TTC28: variants seen among roughly 807,000 people sequenced by gnomAD.
TTC28 encodes tetratricopeptide repeat domain 28.
TTC28 carries 61 observed loss-of-function variants against 198.0 expected under a neutral mutation model. The observed-to-expected ratio is 0.31, with a 90% confidence interval of 0.25 to 0.38. The LOEUF (loss-of-function observed/expected upper bound fraction) is 0.38. TTC28 is among the 10% of genes least tolerant of loss of function. The pLI is 1.00. For synonymous variants in TTC28, 1,171 were observed against 1,297.8 expected (o/e 0.90, Z 2.10); for missense variants, 2,678 against 3,164.0 (o/e 0.85, Z 3.69).
intron 2 of TTC28, among the ~76,000 whole-genome samples, chr22:28,438,408 G>C (rs1444327943): frequency 6.6e-6 from 1 of 152,138 alleles, no homozygotes; most frequent in African/African-American, 2.4e-5. Flanking sequence ...CTTTTAAATG[G>C]AACTCCATCA....
At chr22:28,606,082 A>C (rs930455374) in intron 2 of TTC28, among the ~76,000 whole-genome samples, 14 of 150,126 alleles carry the variant, frequency 9.3e-5, no homozygotes, top group Middle Eastern at 3.2e-3. Context: ...AATTGTGAAT[A>C]CTTTTTTTTT....
chr22:27,978,663 G>A lies in TTC28; in HGVS notation c.*3558C>T, dbSNP rs1483805524. On this transcript the variant is annotated 3_prime_UTR_variant, in exon 23 of 23. Coordinates refer to ENST00000397906, the MANE Select transcript of TTC28 (RefSeq NM_001145418.2). The stretch of plus-strand genomic sequence containing the variant: ...GTGAATTTTTAAAAAATGGAATGGA[G>A]GTGAAAACTTTCATTTTGTGTTGCA... 3 of 152,170 alleles carry A rather than the reference G, an allele frequency of 2.0e-5. No homozygotes were observed. Among genetic ancestry groups the A allele is most frequent in the Non-Finnish European group, 2.9e-5 (2 of 68,038 alleles). 9.4% of individuals were successfully genotyped at this position (152,170 alleles called of 1,614,324 possible). A position where few individuals can be genotyped will look rare whatever the true frequency, so the allele number is the denominator to read the frequency against.
intron 5 of TTC28, among the ~76,000 whole-genome samples, chr22:28,220,599 T>A (rs556876195): frequency 6.6e-6 from 1 of 152,188 alleles, no homozygotes; most frequent in Non-Finnish European, 1.5e-5. Flanking sequence ...TTCCCCAATA[T>A]AGCTACTTGC....
At chr22:27,993,255 C>A (rs116821072) in intron 18 of TTC28, 32 bp downstream of exon 18, 1 of 1,466,610 alleles carries the variant, frequency 6.8e-7, no homozygotes, top group South Asian at 1.4e-5. Context: ...GTCAGCCAGG[C>A]CTGTTGCCCC....
At chr22:28,388,249 CT>C (rs1237830171) in intron 2 of TTC28, among the ~76,000 whole-genome samples, 1 of 152,148 alleles carries the variant, frequency 6.6e-6, no homozygotes, top group African/African-American at 2.4e-5. Context: ...TTACTGTAGC[CT>C]TGTAGTATAG....
chr22:28,256,426 A>C (rs1403903882), intron 5 of TTC28, among the ~76,000 whole-genome samples: 4 of 151,814 alleles, frequency 2.6e-5, no homozygotes, highest in Non-Finnish European at 5.9e-5. Flanking sequence ...CGTCTCAAAA[A>C]AAAAAAAAAA....
intron 13 of TTC28, 82 bp downstream of exon 13, chr22:28,030,144 A>C: frequency 6.7e-7 from 1 of 1,500,426 alleles, no homozygotes; most frequent in South Asian, 1.3e-5. Context: ...ACCAGCTGGA[A>C]GGAGCATCCA....
At chr22:28,208,607 T>C (rs144824311) in intron 5 of TTC28, among the ~76,000 whole-genome samples, 4 of 152,324 alleles carry the variant, frequency 2.6e-5, no homozygotes, top group South Asian at 2.1e-4. Flanking sequence ...GTCATAGCAA[T>C]AGTCCTCACT....
chr22:28,274,260 T>G (rs1386337115), intron 5 of TTC28, among the ~76,000 whole-genome samples: 1 of 152,206 alleles, frequency 6.6e-6, no homozygotes, highest in Non-Finnish European at 1.5e-5. Flanking sequence ...CATTTAAAAA[T>G]TATTTGTGTA....
intron 2 of TTC28, among the ~76,000 whole-genome samples, chr22:28,622,577 G>C (rs1162135402): frequency 2.0e-5 from 3 of 151,836 alleles, no homozygotes; most frequent in African/African-American, 7.3e-5. Flanking sequence ...AATTAAAAAG[G>C]AATAATACAA....
chr22:28,443,734 T>C (rs1368489081), intron 2 of TTC28, among the ~76,000 whole-genome samples: 1 of 152,132 alleles, frequency 6.6e-6, no homozygotes, highest in Non-Finnish European at 1.5e-5. Context: ...TGGGTCTTAG[T>C]GCCACGACAT....
chr22:28,436,126 G>C (rs185206735), intron 2 of TTC28, among the ~76,000 whole-genome samples: 2 of 152,086 alleles, frequency 1.3e-5, no homozygotes, highest in Non-Finnish European at 2.9e-5. Context: ...AGTCACCCTC[G>C]TTACTAATGA....
At chr22:27,994,456 T>G (rs923006671) in intron 17 of TTC28, 2 of 151,822 alleles carry the variant, frequency 1.3e-5, no homozygotes, top group Admixed American at 6.6e-5. Flanking sequence ...TGAGGTTTTT[T>G]TTTTTTTTTT....
At chr22:28,262,839 T>C (rs57346658) in intron 5 of TTC28, among the ~76,000 whole-genome samples, 18 of 152,098 alleles carry the variant, frequency 1.2e-4, no homozygotes, top group African/African-American at 4.3e-4. Context: ...GTTCCTACGA[T>C]GAGAATGACT....
chr22:28,092,151 C>T (rs149816685), intron 12 of TTC28, among the ~76,000 whole-genome samples: 72 of 152,298 alleles, frequency 4.7e-4, no homozygotes, highest in African/African-American at 1.6e-3. Context: ...AGAGAATGTA[C>T]ATAATACCTG....
At chr22:28,144,716 A>G (rs1228215595) in intron 6 of TTC28, among the ~76,000 whole-genome samples, 1 of 152,240 alleles carries the variant, frequency 6.6e-6, no homozygotes, top group African/African-American at 2.4e-5. Flanking sequence ...GCTGAGAGCT[A>G]AGCACTAGGA....
chr22:28,497,877 T>C (rs1434485027), intron 2 of TTC28, among the ~76,000 whole-genome samples: 1 of 152,180 alleles, frequency 6.6e-6, no homozygotes, highest in Non-Finnish European at 1.5e-5. Flanking sequence ...TCAAGTTGAA[T>C]ATTTTATTTT....
chr22:28,428,318 T>C (rs191184845), intron 2 of TTC28, among the ~76,000 whole-genome samples: 1 of 152,134 alleles, frequency 6.6e-6, no homozygotes, highest in African/African-American at 2.4e-5. Flanking sequence ...TTGAAATCAC[T>C]CTAGTAAAAA....
intron 5 of TTC28, among the ~76,000 whole-genome samples, chr22:28,251,424 G>A (rs564963184): frequency 5.3e-4 from 81 of 152,288 alleles, no homozygotes; most frequent in African/African-American, 1.9e-3. Context: ...CACTGGGCCT[G>A]AAAAACCTAA....
Sources: gnomAD v4.1 joint callset for allele counts (sites outside exome capture counted in the v4.1 genomes callset) on GRCh38, gnomAD v4.1.1 for gene constraint, MANE v1.5 for transcripts, NCBI Gene and HGNC (gene_info 2026-07-23, HGNC 2026-07-21) for gene names.